Variants in CSMD1 observed in about 807,000 individuals in gnomAD.
CSMD1 encodes the protein CUB and Sushi multiple domains 1.
Under a neutral mutation model 417.5 loss-of-function variants are expected in CSMD1, and 213 were observed. The ratio of observed to expected loss-of-function variants is 0.51; its 90% confidence interval spans 0.46 to 0.57. CSMD1 has a LOEUF of 0.57. CSMD1 is among the 20% of genes least tolerant of loss of function. The probability of loss-of-function intolerance (pLI) is 0.00; values close to 1 mark genes in which losing one functional copy is unlikely to be tolerated. For synonymous variants in CSMD1, 2,862 were observed against 1,736.8 expected, an observed-to-expected ratio of 1.65 and a Z score of -16.11; for missense variants, 6,923 against 4,529.7, an observed-to-expected ratio of 1.53 and a Z score of -15.17.
At chr8:3,004,984 C>G (rs1007592348) in intron 52 of CSMD1, among the ~76,000 whole-genome samples, 4 of 152,008 alleles carry the variant, frequency 2.6e-5, no homozygotes, top group African/African-American at 9.7e-5. Flanking sequence ...ACTAAAAATA[C>G]AAAAATTAGC....
chr8:4,762,163 A>G (rs1489574114), intron 1 of CSMD1, among the ~76,000 whole-genome samples: 1 of 152,162 alleles, frequency 6.6e-6, no homozygotes, highest in Non-Finnish European at 1.5e-5. Context: ...ACCACCTAGC[A>G]AAAGAGAACC....
chr8:3,575,894 A>C (rs1800132167), intron 9 of CSMD1, among the ~76,000 whole-genome samples: 1 of 152,008 alleles, frequency 6.6e-6, no homozygotes. Flanking sequence ...TAATGTCAGC[A>C]GAGACTCTGG....
chr8:4,212,885 G>C (rs1800406335), intron 3 of CSMD1, among the ~76,000 whole-genome samples: 1 of 150,808 alleles, frequency 6.6e-6, no homozygotes, highest in Non-Finnish European at 1.5e-5. Context: ...GAGGACAACA[G>C]TTTAGAGGCT....
chr8:3,363,528 T>A (rs748518040), intron 20 of CSMD1, among the ~76,000 whole-genome samples: 1 of 151,852 alleles, frequency 6.6e-6, no homozygotes, highest in Admixed American at 6.6e-5. Context: ...TATTTATTTA[T>A]TTATTTATTA....
chr8:3,655,076 T>C (rs967871578), intron 7 of CSMD1, among the ~76,000 whole-genome samples: 3 of 152,248 alleles, frequency 2.0e-5, no homozygotes, highest in Non-Finnish European at 4.4e-5. Flanking sequence ...AGAATGTTTT[T>C]TAACCAATTT....
intron 7 of CSMD1, among the ~76,000 whole-genome samples, chr8:3,636,474 G>A (rs1797053890): frequency 1.3e-5 from 2 of 152,170 alleles, no homozygotes; most frequent in African/African-American, 4.8e-5. Context: ...CACCTCTCCT[G>A]TCCCTGGAAG....
At chr8:4,963,451 C>G (rs1288554287) in intron 1 of CSMD1, among the ~76,000 whole-genome samples, 1 of 152,164 alleles carries the variant, frequency 6.6e-6, no homozygotes, top group African/African-American at 2.4e-5. Context: ...CCACCCACCT[C>G]GACCTCCCAA....
At chr8:3,428,453 A>C (rs1406520187) in intron 12 of CSMD1, among the ~76,000 whole-genome samples, 1 of 152,218 alleles carries the variant, frequency 6.6e-6, no homozygotes, top group African/African-American at 2.4e-5. Flanking sequence ...AAATCACCCC[A>C]AACTGTTTAT....
At chr8:4,347,644 G>C (rs924349281) in intron 3 of CSMD1, among the ~76,000 whole-genome samples, 2 of 152,172 alleles carry the variant, frequency 1.3e-5, no homozygotes, top group Non-Finnish European at 2.9e-5. Flanking sequence ...AATGAAAGGA[G>C]GAGTGTAATT....
At chr8:3,284,467 C>T in intron 25 of CSMD1, 121 bp from the exon 26 acceptor site, 1 of 694,896 alleles carries the variant, frequency 1.4e-6, no homozygotes, top group South Asian at 1.7e-5. Context: ...TGCCTCGGTA[C>T]TTACTGTCTG....
At chr8:3,282,982 G>A (rs34622585) in intron 26 of CSMD1, among the ~76,000 whole-genome samples, 109,617 of 151,890 alleles carry the variant, frequency 0.72, 40,543 homozygotes, top group Admixed American at 0.83. Context: ...GGTGCCATCC[G>A]AAGGGCACTA....
chr8:4,811,856 T>C (rs928878399), intron 1 of CSMD1, among the ~76,000 whole-genome samples: 1 of 152,114 alleles, frequency 6.6e-6, no homozygotes, highest in Admixed American at 6.6e-5. Context: ...GACAGTGAAA[T>C]CAGTGCCACA....
intron 3 of CSMD1, among the ~76,000 whole-genome samples, chr8:4,175,643 T>C (rs946076951): frequency 1.2e-4 from 18 of 152,128 alleles, no homozygotes; most frequent in African/African-American, 4.3e-4. Flanking sequence ...GGCAAAAACT[T>C]GAAGTCAGAA....
intron 25 of CSMD1, among the ~76,000 whole-genome samples, chr8:3,307,224 C>T (rs1258299848): frequency 2.0e-5 from 3 of 152,090 alleles, no homozygotes; most frequent in Non-Finnish European, 4.4e-5. Flanking sequence ...GAAATTTGTT[C>T]ATCCCTTGCT....
At chr8:4,500,943 A>G (rs1380601848) in intron 2 of CSMD1, among the ~76,000 whole-genome samples, 2 of 152,088 alleles carry the variant, frequency 1.3e-5, no homozygotes, top group African/African-American at 4.8e-5. Flanking sequence ...GAGAACGAGT[A>G]CCCTTGTTTT....
chr8:3,102,040 G>T (rs887128272), intron 46 of CSMD1, among the ~76,000 whole-genome samples: 2 of 152,038 alleles, frequency 1.3e-5, no homozygotes, highest in African/African-American at 4.8e-5. Flanking sequence ...GACCTCAGGT[G>T]ATCCTCCCAC....
At chr8:3,847,311 G>C (rs866971861) in intron 5 of CSMD1, among the ~76,000 whole-genome samples, 1 of 152,134 alleles carries the variant, frequency 6.6e-6, no homozygotes, top group Non-Finnish European at 1.5e-5. Context: ...GGGAGAACCT[G>C]ACCTACTTAG....
At chr8:3,583,693 C>A (rs924995110) in intron 9 of CSMD1, among the ~76,000 whole-genome samples, 1 of 152,066 alleles carries the variant, frequency 6.6e-6, no homozygotes, top group African/African-American at 2.4e-5. Context: ...TCAGCCTCTG[C>A]AGATGGCAAA....
chr8:4,808,713 G>A (rs778781330), intron 1 of CSMD1, among the ~76,000 whole-genome samples: 7 of 152,076 alleles, frequency 4.6e-5, no homozygotes, highest in South Asian at 2.1e-4. Context: ...GCTTGAACAC[G>A]CCCACTCAGA....
Sources: gnomAD v4.1 joint callset for allele counts (sites outside exome capture counted in the v4.1 genomes callset) on GRCh38, gnomAD v4.1.1 for gene constraint, MANE v1.5 for transcripts, NCBI Gene and HGNC (gene_info 2026-07-23, HGNC 2026-07-21) for gene names.